Variants in ITGAV observed in about 807,000 individuals in gnomAD.
ITGAV encodes integrin alpha-V.
ITGAV carries 76 observed loss-of-function variants against 143.8 expected under a neutral mutation model. The ratio of observed to expected loss-of-function variants is 0.53; its 90% CI spans 0.44 to 0.64. The LOEUF is 0.64. Among genes scored for constraint, ITGAV ranks in the 30% least tolerant of loss-of-function variants. The probability of loss-of-function intolerance (pLI) is 0.00; values close to 1 mark genes in which losing one functional copy is unlikely to be tolerated. For missense variants in ITGAV, 1,193 were observed against 1,274.7 expected (o/e 0.94, Z 0.98); for synonymous variants, 453 against 446.7 (o/e 1.01, Z -0.18).
chr2:186,593,092 A>G (rs1204308859), intron 1 of ITGAV, among the ~76,000 whole-genome samples: 1 of 152,198 alleles, frequency 6.6e-6, no homozygotes, highest in Admixed American at 6.5e-5. Flanking sequence ...AAAAAGCCAC[A>G]TAATGAAAAA....
At chr2:186,653,164 C>T (rs1488362924) in intron 15 of ITGAV, among the ~76,000 whole-genome samples, 1 of 151,958 alleles carries the variant, frequency 6.6e-6, no homozygotes, top group Non-Finnish European at 1.5e-5. Flanking sequence ...CCAGGATGGT[C>T]TCGATCTCCT....
At chr2:186,609,713 G>A (rs1239355531) in intron 2 of ITGAV, among the ~76,000 whole-genome samples, 1 of 152,018 alleles carries the variant, frequency 6.6e-6, no homozygotes, top group African/African-American at 2.4e-5. Flanking sequence ...GTCGAAGAGG[G>A]TTCTAGCTTG....
chr2:186,590,998 C>A (rs950309803), intron 1 of ITGAV, among the ~76,000 whole-genome samples: 3 of 152,180 alleles, frequency 2.0e-5, no homozygotes, highest in Non-Finnish European at 4.4e-5. Context: ...CTCTTTCCGC[C>A]TCTGTCTGAT....
chr2:186,599,261 CT>C (rs1244707143), intron 1 of ITGAV, among the ~76,000 whole-genome samples: 2 of 152,030 alleles, frequency 1.3e-5, no homozygotes, highest in Non-Finnish European at 2.9e-5. Context: ...AGACAAAAAT[CT>C]TTTTTACTTT....
At chr2:186,609,052 A>G (rs1014767533) in intron 2 of ITGAV, among the ~76,000 whole-genome samples, 2 of 152,172 alleles carry the variant, frequency 1.3e-5, no homozygotes, top group Non-Finnish European at 2.9e-5. Flanking sequence ...TCTAAGTCTC[A>G]TATCTGTGAA....
At chr2:186,600,822 G>A (rs1439888121) in intron 1 of ITGAV, among the ~76,000 whole-genome samples, 1 of 152,126 alleles carries the variant, frequency 6.6e-6, no homozygotes, top group Non-Finnish European at 1.5e-5. Context: ...AGCCAGGCGT[G>A]GTGGTGGGCG....
Position 186,675,504 on chromosome 2 carries a change from CTT to C in ITGAV, c.2707-98_2707-97del, listed in dbSNP as rs1008167102. ...CAAGACAGAAGAATCTGGATAATCT[CTT>C]TGGCCATCACACAAAAAGAAAAAAA... On this transcript the variant is annotated intron_variant, in intron 26 of 29. Transcript: ENST00000261023. 3 of 759,104 alleles carry C rather than the reference CTT, an allele frequency of 4.0e-6. No individual in the cohort carries two copies. The East Asian group carries it at 7.8e-5, about 20-fold the overall frequency. The allele number at this position is 759,104 out of a possible 1,614,324, so 47.0% of individuals were successfully genotyped here.
In ITGAV at chr2:186,680,246, A is replaced by C. The variant is rs953878759; in HGVS notation, c.*2954A>C. ...TTTGATGAATAATTTAAAGAAAAAC[A>C]CCTAAAATTTGAAAAATGATTGTAG... On this transcript the variant is annotated 3_prime_UTR_variant, in exon 30 of 30. Coordinates refer to ENST00000261023, the MANE Select transcript of ITGAV (RefSeq NM_002210.5). 2 of 152,182 alleles carry C rather than the reference A, an allele frequency of 1.3e-5. No individual in the cohort carries two copies. The highest frequency in any genetic ancestry group is 4.8e-5 in the African/African-American group (2 of 41,458). The allele number at this position is 152,182 out of a possible 1,614,324, so 9.4% of individuals were successfully genotyped here.
chr2:186,633,713 TC>T (rs1470870416), intron 6 of ITGAV, among the ~76,000 whole-genome samples: 1 of 152,152 alleles, frequency 6.6e-6, no homozygotes, highest in African/African-American at 2.4e-5. Context: ...CATGACATAG[TC>T]ATTAGGCAGT....
intron 28 of ITGAV, among the ~76,000 whole-genome samples, 182 bp from the exon 29 acceptor site, chr2:186,676,631 C>T (rs546313262): frequency 6.7e-4 from 102 of 152,062 alleles, no homozygotes; most frequent in Admixed American, 1.0e-3. Context: ...GTCAGCCTAT[C>T]ATTGGGAGTT....
intron 3 of ITGAV, among the ~76,000 whole-genome samples, chr2:186,623,836 A>G (rs1687599847): frequency 6.6e-6 from 1 of 152,170 alleles, no homozygotes; most frequent in Non-Finnish European, 1.5e-5. Context: ...GTAGATCTAC[A>G]TGTCCGCTAT....
At position 186,633,309 on chromosome 2, in the gene ITGAV, TG is replaced by T. The variant is rs780723968; in HGVS notation, c.586-19del. Reference sequence around the variant, plus strand: ...TTTGTTCTTTAAATATATATCTTTTTGTTGTGTGATTTCATCTAGGCTGACA... The same window carrying T: ...TTTGTTCTTTAAATATATATCTTTTTTTGTGTGATTTCATCTAGGCTGACA... On this transcript the variant is annotated intron_variant, in intron 5 of 29. Transcript: ENST00000261023. The T allele has an allele frequency of 6.5e-6, 10 of 1,533,290 alleles. No individual in the cohort carries two copies. The African/African-American group carries it at 1.2e-4, about 19-fold the overall frequency. 95.0% of individuals were successfully genotyped at this position (1,533,290 alleles called of 1,614,324 possible).
intron 4 of ITGAV, among the ~76,000 whole-genome samples, chr2:186,628,097 G>A (rs1687722818): frequency 6.6e-6 from 1 of 151,932 alleles, no homozygotes; most frequent in Non-Finnish European, 1.5e-5. Flanking sequence ...AACCACTCTG[G>A]GCCTTTGTTT....
At chr2:186,626,972 A>T (rs1687692543) in intron 4 of ITGAV, among the ~76,000 whole-genome samples, 1 of 152,218 alleles carries the variant, frequency 6.6e-6, no homozygotes, top group Admixed American at 6.5e-5. Context: ...ATAATTTTAT[A>T]GCTACGAAGA....
chr2:186,626,176 C>T (rs962707657), intron 4 of ITGAV, among the ~76,000 whole-genome samples: 8 of 152,290 alleles, frequency 5.3e-5, no homozygotes, highest in Middle Eastern at 3.4e-3. Context: ...TGCTACCAAG[C>T]CCACCCCTTT....
At chr2:186,668,630 T>A (rs1300955895) in intron 24 of ITGAV, 132 bp from the exon 25 acceptor site, 2 of 717,216 alleles carry the variant, frequency 2.8e-6, no homozygotes, top group Non-Finnish European at 4.8e-6. Context: ...CACATTGTAA[T>A]TAGAGGTTAA....
intron 10 of ITGAV, among the ~76,000 whole-genome samples, chr2:186,639,115 A>C (rs1688033601): frequency 6.6e-6 from 1 of 152,190 alleles, no homozygotes; most frequent in African/African-American, 2.4e-5. Flanking sequence ...ACATGAAATA[A>C]GATATTTCTC....
intron 2 of ITGAV, among the ~76,000 whole-genome samples, chr2:186,607,261 A>C (rs1447052060): frequency 6.6e-6 from 1 of 152,176 alleles, no homozygotes; most frequent in Non-Finnish European, 1.5e-5. Context: ...ATATTTGGGA[A>C]GTAATTTAGT....
rs994054531 is a variant in ITGAV, at chr2:186,641,519, T to C, written c.1090T>C (p.Phe364Leu). 5.6e-6 allele frequency: 9 copies of C among 1,614,022 alleles called. No individual in the cohort carries two copies. The highest frequency in any genetic ancestry group is 1.6e-4 in the Middle Eastern group (1 of 6,084). ...CTTCCAGACGACAAAGCTGAATGGA[T>C]TTGAGGTCTTTGCACGGTTTGGCAG... ...GDFQTTKLNG[F>L]EVFARFGSAI... The change falls in exon 12 of 30, where the codon TTT (phenylalanine) becomes CTT (leucine). Residue 364 changes from phenylalanine to leucine, a missense_variant. Transcript: ENST00000261023.
Sources: allele counts gnomAD v4.1 joint callset (sites outside exome capture counted in the v4.1 genomes callset), GRCh38; gene constraint gnomAD v4.1.1; transcripts MANE v1.5; gene names NCBI Gene and HGNC (gene_info 2026-07-23, HGNC 2026-07-21).